Variants in MTHFD1L observed in about 807,000 individuals in gnomAD.
MTHFD1L encodes the protein monofunctional C1-tetrahydrofolate synthase, mitochondrial.
Under a neutral mutation model 119.5 loss-of-function variants are expected in MTHFD1L, and 81 were observed. The observed-to-expected ratio is 0.68, with a 90% CI of 0.57 to 0.82. The LOEUF (loss-of-function observed/expected upper bound fraction) is 0.82. Ranked by LOEUF, MTHFD1L falls within the 40% of genes least tolerant of loss-of-function variation. The pLI is 0.00. For synonymous variants in MTHFD1L, 430 were observed against 475.2 expected, an observed-to-expected ratio of 0.90 and a Z score of 1.24; for missense variants, 1,125 against 1,253.4, an observed-to-expected ratio of 0.90 and a Z score of 1.55.
chr6:151,022,078 C>T (rs758721244), intron 24 of MTHFD1L: 51 of 470,960 alleles, frequency 1.1e-4, no homozygotes, highest in Non-Finnish European at 6.6e-5. Context: ...GCAAAACAAA[C>T]CACGAAGACA....
At chr6:151,065,069 G>T (rs1410826701) in intron 26 of MTHFD1L, among the ~76,000 whole-genome samples, 1 of 152,190 alleles carries the variant, frequency 6.6e-6, no homozygotes, top group Admixed American at 6.5e-5. Context: ...CTCCCAAAGT[G>T]CTGGGATTAC....
intron 27 of MTHFD1L, chr6:151,099,466 TGCC>T: frequency 8.9e-6 from 9 of 1,007,914 alleles, no homozygotes; most frequent in Admixed American, 7.3e-5. Context: ...TTTTTTTTTT[TGCC>T]CTTCTCTCTT....
intron 26 of MTHFD1L, among the ~76,000 whole-genome samples, chr6:151,046,984 T>C (rs1387451690): frequency 6.6e-6 from 1 of 152,136 alleles, no homozygotes. Context: ...TGTGGAGAAA[T>C]ATAACGGATA....
intron 24 of MTHFD1L, among the ~76,000 whole-genome samples, chr6:151,031,767 A>C (rs1584232348): frequency 6.6e-6 from 1 of 152,174 alleles, no homozygotes; most frequent in East Asian, 1.9e-4. Flanking sequence ...ATCCTTCTCT[A>C]CTTCAGAATA....
intron 16 of MTHFD1L, among the ~76,000 whole-genome samples, chr6:150,954,343 C>T (rs1795294143): frequency 6.6e-6 from 1 of 152,138 alleles, no homozygotes; most frequent in Non-Finnish European, 1.5e-5. Context: ...TAAACCAAAC[C>T]TAATTTTCAC....
intron 26 of MTHFD1L, among the ~76,000 whole-genome samples, chr6:151,047,337 A>G (rs1466189325): frequency 6.6e-6 from 1 of 152,232 alleles, no homozygotes; most frequent in Non-Finnish European, 1.5e-5. Context: ...TTCTCTGGGT[A>G]TCATTGAAAA....
intron 20 of MTHFD1L, among the ~76,000 whole-genome samples, chr6:150,976,588 A>G (rs182745496): frequency 6.6e-6 from 1 of 152,376 alleles, no homozygotes; most frequent in African/African-American, 2.4e-5. Flanking sequence ...GACTATCTTT[A>G]TGACCTCATA....
intron 1 of MTHFD1L, among the ~76,000 whole-genome samples, chr6:150,875,015 T>A (rs946019957): frequency 3.3e-5 from 5 of 151,716 alleles, no homozygotes; most frequent in Non-Finnish European, 7.4e-5. Context: ...CCCAAAGTGC[T>A]GGGATTACAG....
At chr6:151,076,520 A>G (rs1792536550) in intron 26 of MTHFD1L, among the ~76,000 whole-genome samples, 1 of 151,944 alleles carries the variant, frequency 6.6e-6, no homozygotes, top group Non-Finnish European at 1.5e-5. Context: ...GCATGGTGGC[A>G]CACGCCTGTA....
intron 11 of MTHFD1L, among the ~76,000 whole-genome samples, chr6:150,932,688 AACCTGG>A (rs1386694343): frequency 1.2e-4 from 18 of 151,962 alleles, no homozygotes; most frequent in Non-Finnish European, 2.1e-4. Context: ...GAATTGCTTG[AACCTGG>A]GAGGCAGAGA....
chr6:151,045,219 G>T (rs74752198), intron 26 of MTHFD1L, among the ~76,000 whole-genome samples: 1 of 152,186 alleles, frequency 6.6e-6, no homozygotes, highest in Non-Finnish European at 1.5e-5. Context: ...GAGATTTACG[G>T]CCAGTTACAA....
chr6:150,949,164 TG>T (rs1562438335), intron 16 of MTHFD1L, 31 bp downstream of exon 16: 6 of 1,585,448 alleles, frequency 3.8e-6, no homozygotes, highest in Non-Finnish European at 5.2e-6. Context: ...AGCAGGCTGA[TG>T]GCCAGGTGGG....
chr6:150,899,274 C>T (rs1165629588), intron 7 of MTHFD1L, among the ~76,000 whole-genome samples: 1 of 152,094 alleles, frequency 6.6e-6, no homozygotes. Context: ...GGCTTGTAGT[C>T]ATTTTGATTT....
chr6:150,923,047 C>T (rs1789266273), intron 10 of MTHFD1L, among the ~76,000 whole-genome samples: 1 of 151,962 alleles, frequency 6.6e-6, no homozygotes. Flanking sequence ...TCAGAAATGC[C>T]CAACACGTAT....
Position 150,918,630 on chromosome 6 carries a change from G to A in MTHFD1L, c.946G>A (p.Asp316Asn). 9.9e-6 allele frequency: 16 copies of A among 1,614,188 alleles called. No homozygotes were observed. Among genetic ancestry groups the A allele is most frequent in the Middle Eastern group, 1.6e-4 (1 of 6,062 alleles). ...ACATTTTGGTGGACTCATTGAGGAA[G>A]ATGATGTGATTCTCCTTGCTGCAGC... ...RIHFGGLIEEDDVILLAAALR... is the reference protein window; with the variant it reads ...RIHFGGLIEENDVILLAAALR... Residue 316 changes from aspartate (D) to asparagine (N), a missense_variant, in exon 9 of 28, where the codon GAT (aspartate) becomes AAT (asparagine). By Grantham distance (23) the Asp-to-Asn change is conservative. Coordinates refer to ENST00000367321, the MANE Select transcript of MTHFD1L (RefSeq NM_015440.5).
chr6:150,978,427 T>A (rs1776954972), intron 20 of MTHFD1L, among the ~76,000 whole-genome samples: 1 of 152,224 alleles, frequency 6.6e-6, no homozygotes, highest in Non-Finnish European at 1.5e-5. Context: ...CTGTAGAGAA[T>A]CACACAGACC....
At chr6:150,992,684 A>G (rs563951364) in intron 20 of MTHFD1L, among the ~76,000 whole-genome samples, 11 of 152,306 alleles carry the variant, frequency 7.2e-5, no homozygotes, top group Admixed American at 4.6e-4. Flanking sequence ...GTCAATGGCC[A>G]TGTTTAGTGG....
chr6:151,095,289 A>G (rs1237755386), intron 27 of MTHFD1L, among the ~76,000 whole-genome samples: 1 of 152,146 alleles, frequency 6.6e-6, no homozygotes, highest in Admixed American at 6.5e-5. Flanking sequence ...ATTCCCCAGT[A>G]AGGCTGTGGG....
At chr6:150,932,848 G>GGAAGGA in intron 11 of MTHFD1L, among the ~76,000 whole-genome samples, 1 of 106,132 alleles carries the variant, frequency 9.4e-6, no homozygotes. Context: ...GGAAGGGAGA[G>GGAAGGA]AGAGTAATTA....
Sources: allele counts gnomAD v4.1 joint callset (sites outside exome capture counted in the v4.1 genomes callset), GRCh38; gene constraint gnomAD v4.1.1; transcripts MANE v1.5; gene names NCBI Gene and HGNC (gene_info 2026-07-23, HGNC 2026-07-21).